MIA3: variants seen among roughly 807,000 people sequenced by gnomAD.
MIA3 encodes transport and Golgi organization protein 1 homolog.
In MIA3, 90 loss-of-function variants were observed where a neutral mutation model predicts 192.4. The ratio of observed to expected loss-of-function variants is 0.47; its 90% CI spans 0.39 to 0.56. The LOEUF (loss-of-function observed/expected upper bound fraction) is 0.56, where lower values mean the gene tolerates loss of function less well. Among genes scored for constraint, MIA3 ranks in the 20% least tolerant of loss-of-function variants. MIA3 has a pLI of 0.00. For synonymous variants in MIA3, 740 were observed against 792.8 expected (o/e 0.93, Z 1.12); for missense variants, 2,123 against 2,269.4 (o/e 0.94, Z 1.31).
At chr1:222,652,941 C>G in intron 13 of MIA3, 67 bp from the exon 14 acceptor site, 11 of 1,529,604 alleles carry the variant, frequency 7.2e-6, no homozygotes, top group Non-Finnish European at 9.7e-6. Flanking sequence ...CTGTCTCATT[C>G]ATGTGGTCCT....
intron 11 of MIA3, among the ~76,000 whole-genome samples, chr1:222,651,467 C>T (rs1384356846): frequency 6.6e-6 from 1 of 151,716 alleles, no homozygotes; most frequent in Non-Finnish European, 1.5e-5. Context: ...GGTTATGCTC[C>T]ATCCTCTTGA....
intron 24 of MIA3, 114 bp downstream of exon 24, chr1:222,660,428 A>T: frequency 9.7e-7 from 1 of 1,026,584 alleles, no homozygotes; most frequent in South Asian, 2.6e-5. Flanking sequence ...AGAAAAGAAA[A>T]TTTCTTAATT....
intron 6 of MIA3, chr1:222,644,212 T>C: frequency 9.4e-7 from 1 of 1,068,920 alleles, no homozygotes; most frequent in Non-Finnish European, 1.2e-6. Context: ...TTCTCTCCCG[T>C]CCCCTCGATA....
intron 19 of MIA3, 146 bp from the exon 20 acceptor site, chr1:222,659,307 G>T: frequency 1.5e-6 from 1 of 676,634 alleles, no homozygotes; most frequent in South Asian, 2.0e-5. Flanking sequence ...TTGTACTTTT[G>T]TTATAACCAA....
chr1:222,632,102 G>A, intron 4 of MIA3, 63 bp from the exon 5 acceptor site: 2 of 1,517,536 alleles, frequency 1.3e-6, no homozygotes, highest in Non-Finnish European at 1.8e-6. Context: ...TGTGGTCAGT[G>A]GGATTAGCCT....
At chr1:222,620,716 T>A (rs1661816399) in intron 1 of MIA3, among the ~76,000 whole-genome samples, 1 of 152,224 alleles carries the variant, frequency 6.6e-6, no homozygotes, top group South Asian at 2.1e-4. Context: ...GTACTCTAGT[T>A]CCCTATTACC....
At chr1:222,626,292 G>A (rs1349398563) in intron 3 of MIA3, among the ~76,000 whole-genome samples, 1 of 152,160 alleles carries the variant, frequency 6.6e-6, no homozygotes, top group Non-Finnish European at 1.5e-5. Context: ...CTTCACTCCT[G>A]ATGAAGAGAC....
At chr1:222,638,303 A>G (rs1163624854) in intron 6 of MIA3, among the ~76,000 whole-genome samples, 1 of 152,334 alleles carries the variant, frequency 6.6e-6, no homozygotes, top group East Asian at 1.9e-4. Flanking sequence ...AATAATGGAA[A>G]TATCTGGAAA....
chr1:222,662,209 C>T (rs1336841033), intron 25 of MIA3, 44 bp from the exon 26 acceptor site: 1 of 1,596,418 alleles, frequency 6.3e-7, no homozygotes, highest in East Asian at 2.2e-5. Flanking sequence ...TCACAGAGTA[C>T]ACAAGTCAGA....
At chr1:222,635,921 G>A (rs562312841) in intron 6 of MIA3, among the ~76,000 whole-genome samples, 1 of 152,220 alleles carries the variant, frequency 6.6e-6, no homozygotes, top group Admixed American at 6.5e-5. Context: ...TTCTTATACT[G>A]ACTCCAAATT....
intron 3 of MIA3, among the ~76,000 whole-genome samples, chr1:222,625,300 C>T (rs1233347781): frequency 6.6e-6 from 1 of 152,222 alleles, no homozygotes. Flanking sequence ...CCACTGCGCC[C>T]GGCCAAGGCC....
chr1:222,644,346 T>A (rs1663019746), intron 6 of MIA3: 6 of 1,484,628 alleles, frequency 4.0e-6, no homozygotes, highest in Non-Finnish European at 5.4e-6. Flanking sequence ...CAGGCAGCTG[T>A]GGAAGGCGAA....
chr1:222,648,003 A>G (rs1389110976), intron 7 of MIA3: 2 of 303,066 alleles, frequency 6.6e-6, no homozygotes, highest in Non-Finnish European at 1.4e-5. Context: ...GACTGGTGTT[A>G]GTATCTCATC....
chr1:222,665,426 C>CT lies in MIA3; in HGVS notation c.5534dup (p.Leu1845PhefsTer41), dbSNP rs1422589508. On this transcript the variant is annotated frameshift_variant, in exon 28 of 28. Coordinates refer to ENST00000344922, the MANE Select transcript of MIA3 (RefSeq NM_198551.4). LOFTEE classifies it low-confidence loss of function (END_TRUNC). ...TTACCTGGACACGCACCATTTAGAC[C>CT]TTTAGGTTCACTTGGCCCAAGAGAG... 3.1e-6 allele frequency: 5 copies of CT among 1,613,876 alleles called. No homozygotes were observed. Among genetic ancestry groups the CT allele is most frequent in the Non-Finnish European group, 3.4e-6 (4 of 1,179,988 alleles).
rs1662284785 is a variant in MIA3 at position 222,629,375 on chromosome 1, A to G, written c.2155A>G (p.Lys719Glu). The G allele has an allele frequency of 1.9e-6, 3 of 1,614,212 alleles. No homozygotes were observed. The highest frequency in any genetic ancestry group is 1.3e-5 in the African/African-American group (1 of 75,054). The change falls in exon 4 of 28, where the codon AAA becomes GAA. Residue 719 changes from lysine (K) to glutamate (E), a missense_variant. Lys to Glu is a moderately conservative substitution (Grantham distance 56). Transcript: ENST00000344922. ...DSTGGPAFLS[K>E]VEEDDYPSEE... Reference sequence around the variant, plus strand: ...CACAGGAGGACCAGCTTTCCTTTCTAAAGTAGAAGAGGATGATTATCCCTC... The same window carrying G: ...CACAGGAGGACCAGCTTTCCTTTCTGAAGTAGAAGAGGATGATTATCCCTC...
chr1:222,632,321 A>G lies in MIA3; in HGVS notation c.3326A>G (p.Asp1109Gly). 1 of 1,612,234 alleles carries G rather than the reference A, an allele frequency of 6.2e-7. No homozygotes were observed. The change falls in exon 5 of 28, where the codon GAC becomes GGC. Residue 1109 changes from aspartate to glycine, a missense_variant. Physicochemically the swap from Asp to Gly is moderately conservative, Grantham distance 94 (BLOSUM62 -1). Coordinates refer to ENST00000344922, the MANE Select transcript of MIA3 (RefSeq NM_198551.4). ...SQKPNTEKDLDPGPVTTEDTP... is the reference protein window; with the variant it reads ...SQKPNTEKDLGPGPVTTEDTP... ...AAGCCAAATACTGAGAAAGACCTGGACCCAGGTAAAGCCTGCTAATTTTTT... is the reference window on the plus strand; with the variant it reads ...AAGCCAAATACTGAGAAAGACCTGGGCCCAGGTAAAGCCTGCTAATTTTTT...
intron 5 of MIA3, 49 bp downstream of exon 5, chr1:222,632,375 G>T: frequency 6.6e-7 from 1 of 1,506,056 alleles, no homozygotes; most frequent in Non-Finnish European, 9.1e-7. Flanking sequence ...CATAAAGAAG[G>T]CCTTCTAGGA....
intron 2 of MIA3, among the ~76,000 whole-genome samples, chr1:222,622,463 C>T (rs570534600): frequency 3.9e-5 from 5 of 127,764 alleles, no homozygotes; most frequent in African/African-American, 1.6e-4. Context: ...AAACACCAAA[C>T]AAACAAAGAG....
intron 18 of MIA3, 41 bp downstream of exon 18, chr1:222,654,834 C>A: frequency 6.4e-7 from 1 of 1,558,404 alleles, no homozygotes; most frequent in Non-Finnish European, 8.8e-7. Flanking sequence ...ATTGTCATGT[C>A]AGTAAATAAA....
Sources: allele counts gnomAD v4.1 joint callset (sites outside exome capture counted in the v4.1 genomes callset), GRCh38; gene constraint gnomAD v4.1.1; transcripts MANE v1.5; gene names NCBI Gene and HGNC (gene_info 2026-07-23, HGNC 2026-07-21).